Variants in EP400 observed in about 807,000 individuals in gnomAD.
EP400 encodes the protein E1A binding protein p400.
Under a neutral mutation model 354.1 loss-of-function variants are expected in EP400, and 105 were observed. That is an observed-to-expected ratio of 0.30 (90% CI 0.25 to 0.35). The LOEUF is 0.35. EP400 is among the 10% of genes least tolerant of loss of function. The probability of loss-of-function intolerance (pLI) is 1.00; values close to 1 mark genes in which losing one functional copy is unlikely to be tolerated. For synonymous variants in EP400, 1,646 were observed against 1,716.9 expected, an observed-to-expected ratio of 0.96 and a Z score of 1.02; for missense variants, 3,280 against 4,121.0, an observed-to-expected ratio of 0.80 and a Z score of 5.59.
rs1325087472 is a variant in EP400 at position 132,038,914 on chromosome 12, A to G, written c.6207+818A>G. ...CCCGTTTCTGTGCCTCTTACCTTGGAAGGATTTGGTATCCCTGTACATCTT... is the reference window on the plus strand; with the variant it reads ...CCCGTTTCTGTGCCTCTTACCTTGGGAGGATTTGGTATCCCTGTACATCTT... On this transcript the variant is annotated intron_variant, in intron 32 of 52. Transcript: ENST00000389561. This position sits in a 1 kb window ranked among gnomAD's most constrained non-coding sequence, Gnocchi z 4.2. Among the ~76,000 whole-genome samples the G allele has an allele frequency of 6.6e-6, 1 of 152,104 alleles. No homozygotes were observed. The highest frequency in any genetic ancestry group is 6.5e-5 in the Admixed American group (1 of 15,278).
intron 2 of EP400, among the ~76,000 whole-genome samples, chr12:131,973,084 A>G (rs774047898): frequency 3.7e-4 from 57 of 152,136 alleles, no homozygotes; most frequent in Non-Finnish European, 6.3e-4. Context: ...ATGAATTTAT[A>G]CTTTTTTGTT....
rs573715979 is a variant in EP400 at position 132,034,226 on chromosome 12, G to C, written c.5951+2077G>C. ...ATTACTAGCCAGAAATTGGAAAAGT[G>C]TTGTATTCTCAGTATCAATAAAGTC... On this transcript the variant is annotated intron_variant, in intron 30 of 52. Transcript: ENST00000389561. Among the ~76,000 whole-genome samples the C allele has an allele frequency of 1.9e-4, 29 of 152,318 alleles. 1 individual carries two copies. In the South Asian group the frequency reaches 6.0e-3, roughly 32 times the overall value.
At chr12:131,958,059 T>C (rs1858778423) in intron 1 of EP400, among the ~76,000 whole-genome samples, 1 of 152,270 alleles carries the variant, frequency 6.6e-6, no homozygotes, top group African/African-American at 2.4e-5. Flanking sequence ...CCTCATTTTC[T>C]CTTACTGATC....
chr12:132,051,332 A>G (rs1895281539), intron 41 of EP400, among the ~76,000 whole-genome samples: 2 of 152,206 alleles, frequency 1.3e-5, no homozygotes, highest in South Asian at 4.1e-4. Flanking sequence ...GAGCGTAGAA[A>G]TAAAGACACA....
At position 132,054,856 on chromosome 12, in the gene EP400, TG is replaced by T; in HGVS notation, c.7729-116del. On this transcript the variant is annotated intron_variant, in intron 43 of 52. Transcript: ENST00000389561. The surrounding 1 kb of genome is among the most constrained non-coding windows in gnomAD (Gnocchi z 4.0). Reference sequence around the variant, plus strand: ...AATGAGCTGGGGAGGATGGGACAGGTGGCTGTGTGAATGTCGTGGAGTTTGG... The same window carrying T: ...AATGAGCTGGGGAGGATGGGACAGGTGCTGTGTGAATGTCGTGGAGTTTGG... 1 of 1,036,752 alleles carries T rather than the reference TG, an allele frequency of 9.6e-7. No homozygotes were observed. The highest frequency in any genetic ancestry group is 1.5e-6 in the Non-Finnish European group (1 of 668,786). 64.2% of individuals were successfully genotyped at this position (1,036,752 alleles called of 1,614,324 possible).
Position 132,027,461 on chromosome 12 carries a change from T to C in EP400, c.5039T>C (p.Val1680Ala), listed in dbSNP as rs1337444659. The stretch of plus-strand genomic sequence containing the variant: ...GTTGGCGTTCCGGGCCGCGTGGCGG[T>C]GAATGCCTTGGCTGTAGGAGAACCC... ...PQVGVPGRVA[V>A]NALAVGEPGT... The change falls in exon 26 of 53, where the codon GTG (valine) becomes GCG (alanine). Residue 1680 changes from valine (V) to alanine (A), a missense_variant. By Grantham distance (64) the Val-to-Ala change is moderately conservative. Coordinates refer to ENST00000389561, the MANE Select transcript of EP400 (RefSeq NM_015409.5). The surrounding 1 kb of genome is among the most constrained non-coding windows in gnomAD (Gnocchi z 4.9). 1 of 1,614,056 alleles carries C rather than the reference T, an allele frequency of 6.2e-7. No homozygotes were observed. Among genetic ancestry groups the C allele is most frequent in the Admixed American group, 1.7e-5 (1 of 60,030 alleles).
intron 12 of EP400, among the ~76,000 whole-genome samples, chr12:131,995,768 T>C (rs1012222722): frequency 2.4e-5 from 3 of 125,660 alleles, no homozygotes; most frequent in Non-Finnish European, 5.0e-5. Flanking sequence ...CTTGACTGAA[T>C]GTACCGTTCA....
chr12:131,950,512 G>A (rs1157703245), intron 1 of EP400, among the ~76,000 whole-genome samples: 1 of 152,186 alleles, frequency 6.6e-6, no homozygotes, highest in Non-Finnish European at 1.5e-5. Context: ...GCGCGACGGG[G>A]CGAATTCACT....
intron 3 of EP400, 112 bp from the exon 4 acceptor site, chr12:131,981,377 T>C: frequency 4.0e-6 from 3 of 751,116 alleles, no homozygotes; most frequent in Admixed American, 5.6e-5. Context: ...TTTTAGTTCA[T>C]GTATAGAAAG....
intron 2 of EP400, among the ~76,000 whole-genome samples, chr12:131,964,184 T>A (rs537117262): frequency 6.6e-6 from 1 of 152,212 alleles, no homozygotes; most frequent in Non-Finnish European, 1.5e-5. Flanking sequence ...TGCCAATAAT[T>A]TAAAAACACA....
rs12309945 is a variant in EP400, at chr12:132,078,709, G to A, written c.*1036G>A. The A allele has an allele frequency of 0.13, 20,043 of 152,218 alleles. 1,973 individuals carry two copies. Among genetic ancestry groups the A allele is most frequent in the African/African-American group, 0.27 (11,120 of 41,520 alleles). The allele number at this position is 152,218 out of a possible 1,614,324, so 9.4% of individuals were successfully genotyped here. A position where few individuals can be genotyped will look rare whatever the true frequency, so the allele number is the denominator to read the frequency against. Reference sequence around the variant, plus strand: ...TGATTCTGGAAGTATTGGCTATAGCGGTGGGCCCAGTCAACTCTTCCTTGT... The same window carrying A: ...TGATTCTGGAAGTATTGGCTATAGCAGTGGGCCCAGTCAACTCTTCCTTGT... On this transcript the variant is annotated 3_prime_UTR_variant, in exon 53 of 53. Coordinates refer to ENST00000389561, the MANE Select transcript of EP400 (RefSeq NM_015409.5).
intron 7 of EP400, among the ~76,000 whole-genome samples, chr12:131,989,276 G>A (rs1328227539): frequency 1.3e-5 from 2 of 152,218 alleles, no homozygotes; most frequent in African/African-American, 4.8e-5. Context: ...CCTGCCTCTC[G>A]CTGGGGTAGA....
chr12:131,967,107 C>T (rs1227792863), intron 2 of EP400, among the ~76,000 whole-genome samples: 2 of 151,116 alleles, frequency 1.3e-5, no homozygotes, highest in African/African-American at 2.4e-5. Flanking sequence ...TGGCTAGGTG[C>T]GGTGGCTCAT....
chr12:132,026,563 G>C (rs1484362652), intron 25 of EP400, among the ~76,000 whole-genome samples: 1 of 152,164 alleles, frequency 6.6e-6, no homozygotes, highest in East Asian at 1.9e-4. Context: ...AGCATGGTCA[G>C]CAGTTCCACT....
chr12:132,031,924 A>G, intron 29 of EP400, 29 bp from the exon 30 acceptor site: 2 of 1,572,950 alleles, frequency 1.3e-6, no homozygotes, highest in East Asian at 2.3e-5. Context: ...TTCCAAGAAT[A>G]CTAACTCCTG....
In EP400 at chr12:132,054,883, A is replaced by G; in HGVS notation, c.7729-91A>G. ...GCTGTGTGAATGTCGTGGAGTTTGG[A>G]TTTGATTCTGAATGAAGTGGAAGCC... On this transcript the variant is annotated intron_variant, in intron 43 of 52. Transcript: ENST00000389561. This position sits in a 1 kb window ranked among gnomAD's most constrained non-coding sequence, Gnocchi z 4.0. 1.5e-6 allele frequency: 2 copies of G among 1,353,748 alleles called. No homozygotes were observed. The highest frequency in any genetic ancestry group is 2.1e-6 in the Non-Finnish European group (2 of 948,828). The allele number at this position is 1,353,748 out of a possible 1,614,324, so 83.9% of individuals were successfully genotyped here.
intron 7 of EP400, 65 bp downstream of exon 7, chr12:131,987,955 G>T (rs1028188761): frequency 5.2e-6 from 6 of 1,156,612 alleles, no homozygotes; most frequent in South Asian, 2.0e-5. Context: ...TTGCAGTGGT[G>T]TAAGTGGTGG....
rs550893817 is a variant in EP400 at position 131,960,499 on chromosome 12, T to C, written c.-35-86T>C. 2.3e-6 allele frequency: 3 copies of C among 1,297,512 alleles called. No homozygotes were observed. The South Asian group carries it at 4.6e-5, about 20-fold the overall frequency. The allele number at this position is 1,297,512 out of a possible 1,614,324, so 80.4% of individuals were successfully genotyped here. A position where few individuals can be genotyped will look rare whatever the true frequency, so the allele number is the denominator to read the frequency against. ...GAATCAGATGCGGTGGGAATGTACT[T>C]TCAAAGTGTCTTTTCAGTGCTGTTA... On this transcript the variant is annotated intron_variant, in intron 1 of 52. Coordinates refer to ENST00000389561, the MANE Select transcript of EP400 (RefSeq NM_015409.5).
At chr12:131,995,143 G>A (rs769360591) in intron 12 of EP400, 187 bp downstream of exon 12, 116 of 532,594 alleles carry the variant, frequency 2.2e-4, no homozygotes, top group Non-Finnish European at 3.4e-4. Flanking sequence ...GTTGTGTGTC[G>A]GACACTGCCC....
Sources: gnomAD v4.1 joint callset for allele counts (sites outside exome capture counted in the v4.1 genomes callset) on GRCh38, gnomAD v4.1.1 for gene constraint, Gnocchi (gnomAD v3.1) non-coding constraint, MANE v1.5 for transcripts, NCBI Gene and HGNC (gene_info 2026-07-23, HGNC 2026-07-21) for gene names.